TEDC1: variants seen among roughly 807,000 people sequenced by gnomAD.
TEDC1 encodes tubulin epsilon and delta complex 1.
In TEDC1, 54 loss-of-function variants were observed where a neutral mutation model predicts 59.9. That is an observed-to-expected ratio of 0.90 (90% CI 0.72 to 1.13). The LOEUF is 1.13. TEDC1 is among the 50% of genes most tolerant of loss of function. The pLI, the probability that TEDC1 is intolerant of heterozygous loss-of-function variation, is 0.00. For missense variants in TEDC1, 734 were observed against 683.4 expected, an observed-to-expected ratio of 1.07 and a Z score of -0.83; for synonymous variants, 353 against 298.1, an observed-to-expected ratio of 1.18 and a Z score of -1.90.
chr14:105,491,698 T>C lies in TEDC1; in HGVS notation c.224T>C (p.Leu75Pro), dbSNP rs1405643770. 57 of 1,548,224 alleles carry C rather than the reference T, an allele frequency of 3.7e-5. No homozygotes were observed. Among genetic ancestry groups the C allele is most frequent in the Non-Finnish European group, 4.9e-5 (56 of 1,146,834 alleles). Residue 75 changes from leucine (L) to proline (P), a missense_variant and splice_region_variant, in exon 2 of 9, where the codon CTG becomes CCG. By Grantham distance (98) the Leu-to-Pro change is moderately conservative. Coordinates refer to ENST00000392523, the MANE Select transcript of TEDC1 (RefSeq NM_001367178.1). ...PAGNALASLA[L>P]EVQARLVKSA... ...GGCAACGCCTTGGCATCGCTCGCCC[T>C]GGGTAAGCCCCGCTCCTGGCCCCGC...
At chr14:105,492,535 G>A in intron 3 of TEDC1, 44 bp from the exon 4 acceptor site, 3 of 1,522,994 alleles carry the variant, frequency 2.0e-6, no homozygotes, top group African/African-American at 1.4e-5. Context: ...TTTCTGGGGG[G>A]CAGGGTGGGG....
Position 105,498,879 on chromosome 14 carries a change from G to C in TEDC1, c.1421G>C (p.Arg474Pro). ...CTACGTCGACTACAGGGACAGTGTCGGCAGGAACTGGCCAGGCTGGTGGGA... is the reference window on the plus strand; with the variant it reads ...CTACGTCGACTACAGGGACAGTGTCCGCAGGAACTGGCCAGGCTGGTGGGA... Reference protein sequence around the residue: ...AVLRRLQGQCRQELARLVGAR... With the variant: ...AVLRRLQGQCPQELARLVGAR... Residue 474 changes from arginine to proline, a missense_variant, in exon 9 of 9, where the codon CGG becomes CCG. By Grantham distance (103) the Arg-to-Pro change is moderately radical (BLOSUM62 -2). Transcript: ENST00000392523. 6.2e-7 allele frequency: 1 copy of C among 1,611,906 alleles called. No homozygotes were observed. The highest frequency in any genetic ancestry group is 8.5e-7 in the Non-Finnish European group (1 of 1,179,718).
chr14:105,497,738 T>C (rs894184271), intron 7 of TEDC1, 60 bp from the exon 8 acceptor site: 32 of 1,469,024 alleles, frequency 2.2e-5, no homozygotes, highest in Non-Finnish European at 2.9e-5. Flanking sequence ...CTGCCCTCTT[T>C]GCCCTCTGTC....
chr14:105,493,717 C>T (rs1219594285), intron 4 of TEDC1, 118 bp from the exon 5 acceptor site: 1 of 719,124 alleles, frequency 1.4e-6, no homozygotes, highest in South Asian at 1.7e-5. Flanking sequence ...TCTCTGAGCC[C>T]TCTTTCCTCA....
At chr14:105,497,749 C>A in intron 7 of TEDC1, 49 bp from the exon 8 acceptor site, 1 of 1,481,628 alleles carries the variant, frequency 6.7e-7, no homozygotes, top group Non-Finnish European at 9.0e-7. Context: ...GCCCTCTGTC[C>A]CTCTGTCCCC....
intron 8 of TEDC1, among the ~76,000 whole-genome samples, chr14:105,498,374 G>A (rs587619170): frequency 2.0e-5 from 3 of 152,332 alleles, no homozygotes; most frequent in East Asian, 1.9e-4. Context: ...CTTAACCTGC[G>A]CAGGTTCATG....
At position 105,491,327 on chromosome 14, in the gene TEDC1, CCGGGCCGCGG is replaced by C. The variant is rs1198808172; in HGVS notation, c.-45_-36del. 1 of 1,467,502 alleles carries C rather than the reference CCGGGCCGCGG, an allele frequency of 6.8e-7. No homozygotes were observed. Among genetic ancestry groups the C allele is most frequent in the Non-Finnish European group, 9.0e-7 (1 of 1,113,638 alleles). 90.9% of individuals were successfully genotyped at this position (1,467,502 alleles called of 1,614,324 possible). ...CCCGTGCGGTGATTGGACGCAGGCC[CCGGGCCGCGG>C]CGGAGGCGGGCGATCCGAAAGAGGC... is the stretch of plus-strand genomic sequence containing the variant. On this transcript the variant is annotated 5_prime_UTR_variant, in exon 1 of 9. Transcript: ENST00000392523.
chr14:105,494,038 C>T (rs1555440060), intron 5 of TEDC1, 105 bp downstream of exon 5: 2 of 857,350 alleles, frequency 2.3e-6, no homozygotes, highest in African/African-American at 1.7e-5. Flanking sequence ...GCTCTTGGGC[C>T]TCCAGCGGTG....
At chr14:105,490,908 C>A, upstream of TEDC1, 1 of 995,034 alleles carries the variant, frequency 1.0e-6, no homozygotes, top group Non-Finnish European at 1.5e-6. Context: ...GGGGTCTGAG[C>A]GAGGCGGGGT....
In TEDC1 at chr14:105,492,688, G is replaced by A. The variant is rs587638935; in HGVS notation, c.539G>A (p.Arg180His). ...WLMGKLRFRWRQLVSSQQEQC... is the reference protein window; with the variant it reads ...WLMGKLRFRWHQLVSSQQEQC... ...ATGGGAAAGCTGCGGTTCCGGTGGC[G>A]CCAGCTGGTGTCCAGTCAGCAGGAG... Residue 180 changes from arginine (R) to histidine (H), a missense_variant, in exon 4 of 9, where the codon CGC becomes CAC. Physicochemically the swap from Arg to His is conservative, Grantham distance 29. Coordinates refer to ENST00000392523, the MANE Select transcript of TEDC1 (RefSeq NM_001367178.1). 29 of 1,544,488 alleles carry A rather than the reference G, an allele frequency of 1.9e-5. No homozygotes were observed. In the Admixed American group the frequency reaches 5.3e-4, roughly 28 times the overall value.
rs1052995533 is a variant in TEDC1, at chr14:105,498,618, C to G, written c.1160C>G (p.Ala387Gly). ...ERRRAAWEAK[A>G]GGCGRGPEWS... is the part of the protein sequence containing the mutation. ...CCATTGCCATTGTGTCCCACGCAGG[C>G]TGGAGGCTGTGGACGGGGGCCAGAG... is the stretch of plus-strand genomic sequence containing the variant. The change falls in exon 9 of 9, where the codon GCT becomes GGT. Residue 387 changes from alanine to glycine, a missense_variant and splice_region_variant. Transcript: ENST00000392523. 8.4e-6 allele frequency: 13 copies of G among 1,540,664 alleles called. No homozygotes were observed. In the African/African-American group the frequency reaches 1.6e-4, roughly 19 times the overall value.
At chr14:105,497,312 G>A in intron 6 of TEDC1, 45 bp from the exon 7 acceptor site, 1 of 1,525,486 alleles carries the variant, frequency 6.6e-7, no homozygotes, top group South Asian at 1.2e-5. Flanking sequence ...GTCTGTCCAT[G>A]GGGTCCCGTG....
intron 3 of TEDC1, 79 bp downstream of exon 3, chr14:105,492,388 C>T (rs1037554523): frequency 4.5e-6 from 7 of 1,562,632 alleles, no homozygotes; most frequent in African/African-American, 1.3e-5. Context: ...CTGGGTCAGC[C>T]CCCTCTGTCT....
At chr14:105,490,557 TC>T (rs1460883568), upstream of TEDC1, 1 of 152,074 alleles carries the variant, frequency 6.6e-6, no homozygotes, top group African/African-American at 2.4e-5. Context: ...GCCGGCTTCC[TC>T]CGGGGCTGCT....
In TEDC1 at chr14:105,498,651, C is replaced by T; in HGVS notation, c.1193C>T (p.Ala398Val). Reference protein sequence around the residue: ...GGCGRGPEWSAARRASREAVE... With the variant: ...GGCGRGPEWSVARRASREAVE... Reference sequence around the variant, plus strand: ...TGTGGACGGGGGCCAGAGTGGAGTGCCGCGCGGCGGGCCTCTCGGGAGGCT... The same window carrying T: ...TGTGGACGGGGGCCAGAGTGGAGTGTCGCGCGGCGGGCCTCTCGGGAGGCT... Residue 398 changes from alanine to valine, a missense_variant, in exon 9 of 9, where the codon GCC becomes GTC. By Grantham distance (64) the Ala-to-Val change is moderately conservative. Coordinates refer to ENST00000392523, the MANE Select transcript of TEDC1 (RefSeq NM_001367178.1). 1 of 1,553,996 alleles carries T rather than the reference C, an allele frequency of 6.4e-7. No individual in the cohort carries two copies. Among genetic ancestry groups the T allele is most frequent in the South Asian group, 1.2e-5 (1 of 84,102 alleles).
At position 105,499,067 on chromosome 14, in the gene TEDC1, C is replaced by A; in HGVS notation, c.*121C>A. On this transcript the variant is annotated 3_prime_UTR_variant, in exon 9 of 9. Transcript: ENST00000392523. ...CGATGCAGATGCAGAGCCCACGTCA[C>A]ATGCTCGCTCCAGGGGTGGGGCTGG... is the stretch of plus-strand genomic sequence containing the variant. 9.1e-7 allele frequency: 1 copy of A among 1,093,342 alleles called. No homozygotes were observed. Among genetic ancestry groups the A allele is most frequent in the Non-Finnish European group, 1.3e-6 (1 of 782,044 alleles). The allele number at this position is 1,093,342 out of a possible 1,614,324, so 67.7% of individuals were successfully genotyped here. A position where few individuals can be genotyped will look rare whatever the true frequency, so the allele number is the denominator to read the frequency against.
Position 105,498,849 on chromosome 14 carries a change from C to G in TEDC1, c.1391C>G (p.Ala464Gly). The part of the protein sequence containing the change: ...TLRSQEACLE[A>G]VLRRLQGQCR... ...AGGAGCCAGGAGGCCTGCCTGGAGG[C>G]GGTGCTACGTCGACTACAGGGACAG... Residue 464 changes from alanine (A) to glycine (G), a missense_variant, in exon 9 of 9, where the codon GCG (alanine) becomes GGG (glycine). Transcript: ENST00000392523. The G allele has an allele frequency of 6.2e-7, 1 of 1,611,020 alleles. No individual in the cohort carries two copies. Among genetic ancestry groups the G allele is most frequent in the Non-Finnish European group, 8.5e-7 (1 of 1,179,380 alleles).
chr14:105,492,291 C>A lies in TEDC1; in HGVS notation c.411C>A (p.Asp137Glu). 1 of 1,605,558 alleles carries A rather than the reference C, an allele frequency of 6.2e-7. No homozygotes were observed. The highest frequency in any genetic ancestry group is 1.1e-5 in the South Asian group (1 of 91,034). The part of the protein sequence containing the change: ...MLAQARVPLG[D>E]EMTVCQCEAL... ...CCCAGGCCCGAGTGCCTCTGGGTGACGAGATGACTGTGTGCCAGGTGCGTG... is the reference window on the plus strand; with the variant it reads ...CCCAGGCCCGAGTGCCTCTGGGTGAAGAGATGACTGTGTGCCAGGTGCGTG... Residue 137 changes from aspartate to glutamate, a missense_variant, in exon 3 of 9, where the codon GAC becomes GAA. Asp to Glu is a conservative substitution (Grantham distance 45, BLOSUM62 2). Transcript: ENST00000392523.
At position 105,492,290 on chromosome 14, in the gene TEDC1, A is replaced by G. The variant is rs370719810; in HGVS notation, c.410A>G (p.Asp137Gly). ...GCCCAGGCCCGAGTGCCTCTGGGTGACGAGATGACTGTGTGCCAGGTGCGT... is the reference window on the plus strand; with the variant it reads ...GCCCAGGCCCGAGTGCCTCTGGGTGGCGAGATGACTGTGTGCCAGGTGCGT... ...MLAQARVPLG[D>G]EMTVCQCEAL... Residue 137 changes from aspartate (D) to glycine (G), a missense_variant, in exon 3 of 9, where the codon GAC becomes GGC. Transcript: ENST00000392523. 1.9e-6 allele frequency: 3 copies of G among 1,605,730 alleles called. No homozygotes were observed. The highest frequency in any genetic ancestry group is 1.3e-5 in the African/African-American group (1 of 74,984).
Sources: gnomAD v4.1 joint callset for allele counts (sites outside exome capture counted in the v4.1 genomes callset) on GRCh38, gnomAD v4.1.1 for gene constraint, MANE v1.5 for transcripts, NCBI Gene and HGNC (gene_info 2026-07-23, HGNC 2026-07-21) for gene names.